UBE2D4: variants seen among roughly 807,000 people sequenced by gnomAD.
UBE2D4 encodes ubiquitin conjugating enzyme E2 D4.
In UBE2D4, 17 loss-of-function variants were observed where a neutral mutation model predicts 23.0. The observed-to-expected ratio is 0.74, with a 90% CI of 0.51 to 1.11. The LOEUF (loss-of-function observed/expected upper bound fraction) is 1.11. UBE2D4 is among the 50% of genes least tolerant of loss of function. UBE2D4 has a pLI of 0.00. For missense variants in UBE2D4, 139 were observed against 181.8 expected (o/e 0.76, Z 1.35); for synonymous variants, 61 against 69.4 (o/e 0.88, Z 0.60).
chr7:43,949,832 G>A (rs2095997637), intron 5 of UBE2D4, among the ~76,000 whole-genome samples: 1 of 152,080 alleles, frequency 6.6e-6, no homozygotes. Context: ...CTGCTTTGCA[G>A]TTAGAAGGAC....
At chr7:43,951,692 G>C (rs971649820) in intron 6 of UBE2D4, among the ~76,000 whole-genome samples, 1 of 152,022 alleles carries the variant, frequency 6.6e-6, no homozygotes, top group Admixed American at 6.6e-5. Flanking sequence ...CACCACACCT[G>C]GCTAATTTTT....
At chr7:43,926,655 G>A (rs546150121) in intron 1 of UBE2D4, 99 bp downstream of exon 1, 3 of 1,318,384 alleles carry the variant, frequency 2.3e-6, no homozygotes, top group East Asian at 3.0e-5. Context: ...GAGGCTCCGC[G>A]AGTCGCGGAT....
chr7:43,940,366 C>T (rs2095968787), intron 2 of UBE2D4, among the ~76,000 whole-genome samples: 1 of 152,230 alleles, frequency 6.6e-6, no homozygotes, highest in Non-Finnish European at 1.5e-5. Context: ...CATGCTTCCC[C>T]TCTTACCTGT....
rs972766349 is a variant in UBE2D4, at chr7:43,944,796, C to G, written c.198+1765C>G. The G allele has an allele frequency of 2.0e-5, 3 of 152,190 alleles. No homozygotes were observed. In the South Asian group the frequency reaches 6.2e-4, roughly 32 times the overall value. The allele number at this position is 152,190 out of a possible 1,614,324, so 9.4% of individuals were successfully genotyped here. A position where few individuals can be genotyped will look rare whatever the true frequency, so the allele number is the denominator to read the frequency against. On this transcript the variant is annotated intron_variant, in intron 4 of 6. Coordinates refer to ENST00000222402, the MANE Select transcript of UBE2D4 (RefSeq NM_015983.4). This position sits in a 1 kb window ranked among gnomAD's most constrained non-coding sequence, Gnocchi z 4.0. Reference sequence around the variant, plus strand: ...TGGTGCTGTGATCCACCCCTTCTCCCTTCCCCTCTGGAGAGACTGTGGCAG... The same window carrying G: ...TGGTGCTGTGATCCACCCCTTCTCCGTTCCCCTCTGGAGAGACTGTGGCAG...
At chr7:43,949,583 C>A (rs950508015) in intron 5 of UBE2D4, among the ~76,000 whole-genome samples, 3 of 152,170 alleles carry the variant, frequency 2.0e-5, no homozygotes, top group Non-Finnish European at 4.4e-5. Context: ...TGTGTGGGGA[C>A]CTGTGGTCAG....
intron 5 of UBE2D4, among the ~76,000 whole-genome samples, chr7:43,949,507 G>A (rs1200987487): frequency 2.0e-5 from 3 of 152,178 alleles, no homozygotes; most frequent in Non-Finnish European, 2.9e-5. Flanking sequence ...GATTATAGGC[G>A]TGAGCCACTG....
chr7:43,953,451 G>A lies in UBE2D4; in HGVS notation c.*756G>A, dbSNP rs969876803. 13 of 333,680 alleles carry A rather than the reference G, an allele frequency of 3.9e-5. No homozygotes were observed. Among genetic ancestry groups the A allele is most frequent in the East Asian group, 8.0e-5 (1 of 12,518 alleles). The allele number at this position is 333,680 out of a possible 1,614,324, so 20.7% of individuals were successfully genotyped here. On this transcript the variant is annotated 3_prime_UTR_variant, in exon 7 of 7. Transcript: ENST00000222402. ...TTGATGAAGATTCTCACTACCGCCC[G>A]CTCCTCCCATAGGAGCCTACACTAA...
chr7:43,937,151 G>A (rs149574430), intron 1 of UBE2D4, among the ~76,000 whole-genome samples: 1 of 152,202 alleles, frequency 6.6e-6, no homozygotes, highest in Non-Finnish European at 1.5e-5. Context: ...GGAAAACCTT[G>A]TGAGGTGGAG....
intron 6 of UBE2D4, 151 bp downstream of exon 6, chr7:43,950,843 G>C: frequency 1.6e-6 from 1 of 644,694 alleles, no homozygotes; most frequent in Non-Finnish European, 2.7e-6. Flanking sequence ...GTGTGCCCTG[G>C]GCTTGGACTC....
chr7:43,926,851 C>T (rs80094353), intron 1 of UBE2D4, among the ~76,000 whole-genome samples: 1,911 of 152,352 alleles, frequency 0.013, 42 homozygotes, highest in African/African-American at 0.043. Context: ...GTAGGGTATC[C>T]AGAAGGGCTG....
chr7:43,943,014 C>T lies in UBE2D4; in HGVS notation c.181C>T (p.Pro61Ser). 6.2e-7 allele frequency: 1 copy of T among 1,614,124 alleles called. No homozygotes were observed. The highest frequency in any genetic ancestry group is 1.3e-5 in the African/African-American group (1 of 75,022). Residue 61 changes from proline (P) to serine (S), a missense_variant, in exon 4 of 7, where the codon CCG (proline) becomes TCG (serine). Coordinates refer to ENST00000222402, the MANE Select transcript of UBE2D4 (RefSeq NM_015983.4). ...GACCATCCACTTTCCTACAGATTACCCGTTCAAGCCCCCAAAGGTGAGGTC... is the reference window on the plus strand; with the variant it reads ...GACCATCCACTTTCCTACAGATTACTCGTTCAAGCCCCCAAAGGTGAGGTC... ...FLTIHFPTDY[P>S]FKPPKVAFTT...
intron 1 of UBE2D4, among the ~76,000 whole-genome samples, chr7:43,930,244 T>C (rs1585853688): frequency 6.6e-6 from 1 of 152,158 alleles, no homozygotes; most frequent in Non-Finnish European, 1.5e-5. Context: ...TGACCAGAAC[T>C]GAACAGCAGT....
At position 43,954,018 on chromosome 7, in the gene UBE2D4, TG is replaced by T. The variant is rs1316991194; in HGVS notation, c.*1324del. 6.6e-6 allele frequency: 1 copy of T among 152,224 alleles called. No homozygotes were observed. The highest frequency in any genetic ancestry group is 1.5e-5 in the Non-Finnish European group (1 of 68,040). 9.4% of individuals were successfully genotyped at this position (152,224 alleles called of 1,614,324 possible). On this transcript the variant is annotated 3_prime_UTR_variant, in exon 7 of 7. Transcript: ENST00000222402. Reference sequence around the variant, plus strand: ...ACATAAGCAGTCAGCCAAAGGTGGCTGTGGGAGGTTGATTTCTTCCAGAAAC... The same window carrying T: ...ACATAAGCAGTCAGCCAAAGGTGGCTTGGGAGGTTGATTTCTTCCAGAAAC...
Position 43,955,430 on chromosome 7 carries a change from C to G in UBE2D4, c.*2735C>G, listed in dbSNP as rs2096011418. Reference sequence around the variant, plus strand: ...TGGAGCTGAGATTTTGATCCGCTATCAGACTCCAGAAAGATCCAGGAGTTC... The same window carrying G: ...TGGAGCTGAGATTTTGATCCGCTATGAGACTCCAGAAAGATCCAGGAGTTC... On this transcript the variant is annotated 3_prime_UTR_variant, in exon 7 of 7. Transcript: ENST00000222402. 6.6e-6 allele frequency: 1 copy of G among 152,210 alleles called. No individual in the cohort carries two copies. Among genetic ancestry groups the G allele is most frequent in the East Asian group, 1.9e-4 (1 of 5,196 alleles). 9.4% of individuals were successfully genotyped at this position (152,210 alleles called of 1,614,324 possible).
chr7:43,942,599 T>C (rs2528372), intron 2 of UBE2D4: 32,710 of 621,878 alleles, frequency 0.053, 975 homozygotes, highest in East Asian at 0.094. Context: ...CTATGTTGTT[T>C]CCCTGTGATA....
At chr7:43,932,517 G>T (rs1180465960) in intron 1 of UBE2D4, among the ~76,000 whole-genome samples, 1 of 152,202 alleles carries the variant, frequency 6.6e-6, no homozygotes, top group Admixed American at 6.5e-5. Flanking sequence ...ACCTGGCTAA[G>T]CAGGGTGGCT....
intron 2 of UBE2D4, among the ~76,000 whole-genome samples, chr7:43,940,455 C>T (rs1356465141): frequency 2.0e-5 from 3 of 152,206 alleles, no homozygotes; most frequent in Non-Finnish European, 4.4e-5. Flanking sequence ...TGTCTAGAGG[C>T]AGCTCCTTGA....
In UBE2D4 at chr7:43,931,638, G is replaced by A. The variant is rs1407402044; in HGVS notation, c.24+5082G>A. ...GGGGGCGGGGGGGGTGGCAGAGCAG[G>A]CATGTCACATGGCCAGAACAGGAGC... On this transcript the variant is annotated intron_variant, in intron 1 of 6. Coordinates refer to ENST00000222402, the MANE Select transcript of UBE2D4 (RefSeq NM_015983.4). Among the ~76,000 whole-genome samples the A allele has an allele frequency of 6.6e-5, 10 of 152,106 alleles. No homozygotes were observed. In the East Asian group the frequency reaches 1.7e-3, roughly 26 times the overall value.
intron 1 of UBE2D4, among the ~76,000 whole-genome samples, chr7:43,934,204 A>AT (rs942148149): frequency 5.0e-4 from 73 of 147,444 alleles, no homozygotes; most frequent in East Asian, 2.2e-3. Context: ...AGACTGGGTC[A>AT]TTTTTTTTTT....
Sources: gnomAD v4.1 joint callset for allele counts (sites outside exome capture counted in the v4.1 genomes callset) on GRCh38, gnomAD v4.1.1 for gene constraint, Gnocchi (gnomAD v3.1) non-coding constraint, MANE v1.5 for transcripts, NCBI Gene and HGNC (gene_info 2026-07-23, HGNC 2026-07-21) for gene names.